Variants in PTPRD observed in about 807,000 individuals in gnomAD.
The protein encoded by PTPRD is protein tyrosine phosphatase receptor type D.
Under a neutral mutation model 214.5 loss-of-function variants are expected in PTPRD, and 34 were observed. That is an observed-to-expected ratio of 0.16 (90% confidence interval 0.12 to 0.21). The LOEUF (loss-of-function observed/expected upper bound fraction) is 0.21. Among genes scored for constraint, PTPRD ranks in the 10% least tolerant of loss-of-function variants. The pLI is 1.00. For missense variants in PTPRD, 2,545 were observed against 2,398.7 expected (o/e 1.06, Z -1.27); for synonymous variants, 1,128 against 845.7 (o/e 1.33, Z -5.79).
At chr9:9,251,914 T>C (rs988701798) in intron 9 of PTPRD, among the ~76,000 whole-genome samples, 2 of 152,102 alleles carry the variant, frequency 1.3e-5, no homozygotes, top group Non-Finnish European at 2.9e-5. Flanking sequence ...CTTTCCCAAG[T>C]GAAATACAAA....
chr9:9,934,251 A>C (rs1040965304), intron 5 of PTPRD, among the ~76,000 whole-genome samples: 18 of 149,940 alleles, frequency 1.2e-4, no homozygotes, highest in Admixed American at 7.3e-4. Flanking sequence ...AAGGAAATAG[A>C]GACACAAAAA....
chr9:8,486,186 T>C lies in PTPRD; in HGVS notation c.2631A>G (p.Glu877=), dbSNP rs2135960443. ...GGATGTCTGTAGCTGTAAAGTGATC[T>C]TCTTTTTCAGAGAACTCAAGAGTAG... is the stretch of plus-strand genomic sequence containing the variant. The part of the protein sequence containing the change: ...PLTTLEFSEK[E]DHFTATDIHK... The change falls in exon 28 of 46, where the codon GAA becomes GAG. Residue 877 remains glutamate, a synonymous_variant. Transcript: ENST00000381196. 1 of 1,614,204 alleles carries C rather than the reference T, an allele frequency of 6.2e-7. No homozygotes were observed. The highest frequency in any genetic ancestry group is 8.5e-7 in the Non-Finnish European group (1 of 1,180,026).
chr9:10,136,023 G>C (rs1177776845), intron 3 of PTPRD, among the ~76,000 whole-genome samples: 1 of 150,772 alleles, frequency 6.6e-6, no homozygotes, highest in African/African-American at 2.4e-5. Flanking sequence ...CAGGCTGAAA[G>C]AAAAGAAATG....
intron 11 of PTPRD, among the ~76,000 whole-genome samples, chr9:8,800,347 C>T (rs1248625891): frequency 1.3e-5 from 2 of 152,138 alleles, no homozygotes; most frequent in African/African-American, 4.8e-5. Context: ...TAAAACAATG[C>T]TGAGAACTAC....
rs543766599 is a variant in PTPRD at position 8,317,320 on chromosome 9, TAC to T, written c.*552_*553del. The T allele has an allele frequency of 1.1e-3, 248 of 232,514 alleles. No individual in the cohort carries two copies. The highest frequency in any genetic ancestry group is 5.2e-3 in the African/African-American group (237 of 45,388). The allele number at this position is 232,514 out of a possible 1,614,324, so 14.4% of individuals were successfully genotyped here. On this transcript the variant is annotated 3_prime_UTR_variant, in exon 46 of 46. Coordinates refer to ENST00000381196, the MANE Select transcript of PTPRD (RefSeq NM_002839.4). ...TGATACATTTTGTTAAAAAAAAGTT[TAC>T]ACAGTTAGAAATGAAGCACAGGTCA...
At chr9:10,287,207 C>T (rs947075500) in intron 3 of PTPRD, among the ~76,000 whole-genome samples, 4 of 152,074 alleles carry the variant, frequency 2.6e-5, no homozygotes, top group African/African-American at 4.8e-5. Context: ...ACAAGGGTAG[C>T]GTCACAATTA....
chr9:9,019,325 A>AAAGAAAGAAAGG (rs1569429496), intron 10 of PTPRD, among the ~76,000 whole-genome samples: 39 of 63,494 alleles, frequency 6.1e-4, no homozygotes, highest in African/African-American at 1.7e-3. Context: ...AGAAAGAAAG[A>AAAGAAAGAAAGG]AAGAAAGAAA....
intron 8 of PTPRD, among the ~76,000 whole-genome samples, chr9:9,509,638 C>T (rs969234226): frequency 6.6e-6 from 1 of 151,596 alleles, no homozygotes; most frequent in Non-Finnish European, 1.5e-5. Flanking sequence ...TGAGACTGAT[C>T]TCCCTTCTTC....
At chr9:9,223,473 C>T (rs1302852203) in intron 9 of PTPRD, among the ~76,000 whole-genome samples, 1 of 152,002 alleles carries the variant, frequency 6.6e-6, no homozygotes, top group Non-Finnish European at 1.5e-5. Context: ...TTGGAATATT[C>T]ATGATTCAAT....
At position 10,267,930 on chromosome 9, in the gene PTPRD, G is replaced by T. The variant is rs529353988; in HGVS notation, c.-545+73033C>A. 2.3e-3 allele frequency among the ~76,000 whole-genome samples: 349 copies of T among 152,014 alleles called. 3 individuals are homozygous for T. Among genetic ancestry groups the T allele is most frequent in the African/African-American group, 8.1e-3 (336 of 41,434 alleles). ...ATCTAATGATCTTGTTTATGTAAAA[G>T]ATTTACTTGTAGAGAAAATTTTGTC... is the stretch of plus-strand genomic sequence containing the variant. On this transcript the variant is annotated intron_variant, in intron 3 of 45. Coordinates refer to ENST00000381196, the MANE Select transcript of PTPRD (RefSeq NM_002839.4).
At chr9:10,357,906 C>G (rs1281817010) in intron 2 of PTPRD, among the ~76,000 whole-genome samples, 1 of 152,058 alleles carries the variant, frequency 6.6e-6, no homozygotes, top group African/African-American at 2.4e-5. Flanking sequence ...AAACAGAAAT[C>G]AGATGGCTAT....
intron 2 of PTPRD, among the ~76,000 whole-genome samples, chr9:10,483,212 G>C (rs963613965): frequency 2.6e-5 from 4 of 152,090 alleles, no homozygotes; most frequent in Admixed American, 2.6e-4. Flanking sequence ...ATATTTTGCT[G>C]AGAAAATTGG....
At chr9:9,854,983 G>T (rs771086179) in intron 5 of PTPRD, among the ~76,000 whole-genome samples, 1 of 151,998 alleles carries the variant, frequency 6.6e-6, no homozygotes, top group Non-Finnish European at 1.5e-5. Context: ...ACATTATTTT[G>T]TCAAATGGCC....
At chr9:9,335,910 T>C (rs774786396) in intron 9 of PTPRD, among the ~76,000 whole-genome samples, 19 of 152,002 alleles carry the variant, frequency 1.2e-4, no homozygotes, top group Non-Finnish European at 2.5e-4. Context: ...CAAGGGAGTA[T>C]GATAACATAA....
At chr9:9,237,781 C>T (rs1035046833) in intron 9 of PTPRD, among the ~76,000 whole-genome samples, 18 of 152,136 alleles carry the variant, frequency 1.2e-4, no homozygotes, top group African/African-American at 4.3e-4. Context: ...CCCATTTTTT[C>T]AAATCCCTGC....
Position 10,169,428 on chromosome 9 carries a change from C to A in PTPRD, c.-544-135638G>T, listed in dbSNP as rs1336367834. On this transcript the variant is annotated intron_variant, in intron 3 of 45. Transcript: ENST00000381196. ...GGCGGAGCTTGCAGTGAGCAGAGATCGCGCCACTGCACTCCAGCCTGGGCG... is the reference window on the plus strand; with the variant it reads ...GGCGGAGCTTGCAGTGAGCAGAGATAGCGCCACTGCACTCCAGCCTGGGCG... 2.8e-5 allele frequency among the ~76,000 whole-genome samples: 4 copies of A among 141,278 alleles called. No individual in the cohort carries two copies. The East Asian group carries it at 8.3e-4, about 29-fold the overall frequency. 92.7% of individuals were successfully genotyped at this position (141,278 alleles called of 152,430 possible). A position where few individuals can be genotyped will look rare whatever the true frequency, so the allele number is the denominator to read the frequency against.
chr9:8,331,023 A>ATGACT (rs1336254082), intron 44 of PTPRD, among the ~76,000 whole-genome samples: 9 of 151,020 alleles, frequency 6.0e-5, no homozygotes, highest in Non-Finnish European at 1.3e-4. Context: ...ATTAACTTCA[A>ATGACT]TGACTTGAGT....
intron 4 of PTPRD, among the ~76,000 whole-genome samples, chr9:9,938,901 C>T (rs1008895475): frequency 6.6e-6 from 1 of 151,916 alleles, no homozygotes; most frequent in African/African-American, 2.4e-5. Context: ...GTAATTGATG[C>T]GTTAATTTAA....
At chr9:9,814,467 C>T (rs2048123272) in intron 5 of PTPRD, among the ~76,000 whole-genome samples, 1 of 152,056 alleles carries the variant, frequency 6.6e-6, no homozygotes, top group African/African-American at 2.4e-5. Flanking sequence ...CATAAAAAAT[C>T]GTGTTGCATT....
Sources: gnomAD v4.1 joint callset for allele counts (sites outside exome capture counted in the v4.1 genomes callset) on GRCh38, gnomAD v4.1.1 for gene constraint, MANE v1.5 for transcripts, NCBI Gene and HGNC (gene_info 2026-07-23, HGNC 2026-07-21) for gene names.